BCL9: variants seen among roughly 807,000 people sequenced by gnomAD.
BCL9 encodes the protein BCL9 transcription coactivator.
BCL9 carries 25 observed loss-of-function variants against 88.5 expected under a neutral mutation model. The ratio of observed to expected loss-of-function variants is 0.28; its 90% confidence interval spans 0.21 to 0.39. BCL9 has a LOEUF of 0.39. Ranked by LOEUF, BCL9 falls within the 10% of genes least tolerant of loss-of-function variation. The pLI, the probability that BCL9 is intolerant of heterozygous loss-of-function variation, is 1.00. For missense variants in BCL9, 1,817 were observed against 1,877.8 expected (o/e 0.97, Z 0.60); for synonymous variants, 711 against 673.3 (o/e 1.06, Z -0.87).
Position 147,611,621 on chromosome 1 carries a change from C to T in BCL9, c.-216C>T. On this transcript the variant is annotated 5_prime_UTR_variant, in exon 4 of 10. It adds an upstream start codon to the 5' untranslated region. Transcript: ENST00000234739. The stretch of plus-strand genomic sequence containing the variant: ...GATTTTCCTCTGGCAGCAGGAGGCA[C>T]GCACCCAGAGAATGCTGGAGCTGCA... 1.8e-6 allele frequency: 1 copy of T among 567,378 alleles called. No individual in the cohort carries two copies. Among genetic ancestry groups the T allele is most frequent in the South Asian group, 2.5e-5 (1 of 40,746 alleles). The allele number at this position is 567,378 out of a possible 1,614,324, so 35.1% of individuals were successfully genotyped here.
intron 1 of BCL9, among the ~76,000 whole-genome samples, chr1:147,567,316 G>A (rs1257169418): frequency 6.6e-6 from 1 of 152,110 alleles, no homozygotes; most frequent in Admixed American, 6.5e-5. Context: ...TTTTTGGTTT[G>A]TTTAAATCTC....
chr1:147,599,950 G>A (rs1047360588), intron 1 of BCL9, among the ~76,000 whole-genome samples: 1 of 151,542 alleles, frequency 6.6e-6, no homozygotes, highest in Non-Finnish European at 1.5e-5. Flanking sequence ...CTTGCTGGTC[G>A]CGGGGCCGGA....
At position 147,619,792 on chromosome 1, in the gene BCL9, C is replaced by T. The variant is rs782671101; in HGVS notation, c.1637C>T (p.Pro546Leu). Reference protein sequence around the residue: ...DGINMPHSLPPRGMAPHPNMP... With the variant: ...DGINMPHSLPLRGMAPHPNMP... ...ATCAACATGCCACATTCTCTGCCCC[C>T]GAGGGGCATGGCTCCCCACCCCAAC... is the stretch of plus-strand genomic sequence containing the variant. Residue 546 changes from proline to leucine, a missense_variant, in exon 8 of 10, where the codon CCG becomes CTG. This residue lies in a region of BCL9 where 1,228 missense variants were observed against 1,191.6 expected (regional missense o/e 1.03). Transcript: ENST00000234739. The surrounding 1 kb of genome is among the most constrained non-coding windows in gnomAD (Gnocchi z 4.1). 9.9e-6 allele frequency: 16 copies of T among 1,614,140 alleles called. No homozygotes were observed. Among genetic ancestry groups the T allele is most frequent in the Middle Eastern group, 3.3e-4 (2 of 6,060 alleles).
chr1:147,596,515 G>C (rs1450559728), intron 1 of BCL9, among the ~76,000 whole-genome samples: 1 of 148,660 alleles, frequency 6.7e-6, no homozygotes, highest in Non-Finnish European at 1.5e-5. Context: ...CCGGGTTCAC[G>C]CCATTCTCCT....
intron 9 of BCL9, among the ~76,000 whole-genome samples, chr1:147,623,052 C>A (rs1465791020): frequency 6.6e-6 from 1 of 151,728 alleles, no homozygotes; most frequent in African/African-American, 2.4e-5. Flanking sequence ...ACCCACCCCT[C>A]ACCTCGACTC....
In BCL9 at chr1:147,623,776, T is replaced by C. The variant is rs587717146; in HGVS notation, c.3164-66T>C. ...GGATGCACAATAGTTTTTTTGTTAA[T>C]TTATTATAGTTTTTCTGAGTTGATT... On this transcript the variant is annotated intron_variant, in intron 9 of 9. Coordinates refer to ENST00000234739, the MANE Select transcript of BCL9 (RefSeq NM_004326.4). The C allele has an allele frequency of 4.3e-4, 652 of 1,508,662 alleles. 5 individuals are homozygous for C. The highest frequency in any genetic ancestry group is 3.0e-4 in the Admixed American group (15 of 50,122). The allele number at this position is 1,508,662 out of a possible 1,614,324, so 93.5% of individuals were successfully genotyped here. A position where few individuals can be genotyped will look rare whatever the true frequency, so the allele number is the denominator to read the frequency against.
At chr1:147,567,862 C>T (rs1198361516) in intron 1 of BCL9, among the ~76,000 whole-genome samples, 1 of 152,116 alleles carries the variant, frequency 6.6e-6, no homozygotes, top group Non-Finnish European at 1.5e-5. Flanking sequence ...TGCTAGTGAC[C>T]CAGCAGGTCT....
At position 147,613,032 on chromosome 1, in the gene BCL9, G is replaced by T; in HGVS notation, c.203G>T (p.Ser68Ile). 1 of 1,608,180 alleles carries T rather than the reference G, an allele frequency of 6.2e-7. No homozygotes were observed. Among genetic ancestry groups the T allele is most frequent in the Non-Finnish European group, 8.5e-7 (1 of 1,176,552 alleles). Reference protein sequence around the residue: ...QSQPSPCDSKSGGHTPKALPG... With the variant: ...QSQPSPCDSKIGGHTPKALPG... ...CAGCCATCCCCCTGTGACTCCAAGA[G>T]TGGGGGCCATACCCCTAAAGCACTC... is the stretch of plus-strand genomic sequence containing the variant. Residue 68 changes from serine (S) to isoleucine (I), a missense_variant, in exon 5 of 10, where the codon AGT (serine) becomes ATT (isoleucine). Ser to Ile is a moderately radical substitution (Grantham distance 142, BLOSUM62 -2). Around this residue, in one of 2 missense-constraint regions of BCL9, gnomAD observed 1,228 missense variants for 1,191.6 expected, o/e 1.03. Coordinates refer to ENST00000234739, the MANE Select transcript of BCL9 (RefSeq NM_004326.4).
In BCL9 at chr1:147,620,372, G is replaced by A; in HGVS notation, c.2217G>A (p.Glu739=). The change falls in exon 8 of 10, where the codon GAG becomes GAA. Residue 739 remains glutamate, a synonymous_variant. Coordinates refer to ENST00000234739, the MANE Select transcript of BCL9 (RefSeq NM_004326.4). ...NSQMIPQKMR[E]AGAGPEEMLK... is the part of the protein sequence containing the mutation. ...AGATGATACCTCAGAAGATGAGAGA[G>A]GCTGGGGCGGGCCCTGAGGAGATGC... 5.6e-6 allele frequency: 9 copies of A among 1,614,222 alleles called. No homozygotes were observed. Among genetic ancestry groups the A allele is most frequent in the Non-Finnish European group, 7.6e-6 (9 of 1,180,032 alleles).
intron 1 of BCL9, among the ~76,000 whole-genome samples, chr1:147,599,562 G>A (rs1168682478): frequency 2.6e-5 from 4 of 152,102 alleles, no homozygotes; most frequent in Non-Finnish European, 2.9e-5. Context: ...CGCGTGGGGA[G>A]GAGGGGACGG....
At position 147,624,060 on chromosome 1, in the gene BCL9, C is replaced by T. The variant is rs1658800276; in HGVS notation, c.3382C>T (p.Pro1128Ser). 6.2e-7 allele frequency: 1 copy of T among 1,613,678 alleles called. No individual in the cohort carries two copies. The highest frequency in any genetic ancestry group is 1.3e-5 in the African/African-American group (1 of 74,910). The change falls in exon 10 of 10, where the codon CCG becomes TCG. Residue 1128 changes from proline to serine, a missense_variant. Physicochemically the swap from Pro to Ser is moderately conservative, Grantham distance 74. This residue lies in a region of BCL9 where 589 missense variants were observed against 686.2 expected (regional missense o/e 0.86). Transcript: ENST00000234739. This position sits in a 1 kb window ranked among gnomAD's most constrained non-coding sequence, Gnocchi z 4.4. ...PIMGHGSQEPPMVPQGRMGFP... is the reference protein window; with the variant it reads ...PIMGHGSQEPSMVPQGRMGFP... ...CATGGGGCATGGGTCCCAGGAGCCA[C>T]CGATGGTACCTCAAGGACGGATGGG...
intron 1 of BCL9, among the ~76,000 whole-genome samples, chr1:147,575,009 G>T (rs587644152): frequency 1.3e-5 from 2 of 152,266 alleles, no homozygotes; most frequent in South Asian, 4.1e-4. Context: ...ACCTTTGAGG[G>T]CTGACTCATA....
intron 9 of BCL9, among the ~76,000 whole-genome samples, 190 bp from the exon 10 acceptor site, chr1:147,623,652 T>C (rs905676953): frequency 3.3e-5 from 5 of 152,246 alleles, no homozygotes; most frequent in African/African-American, 1.2e-4. Context: ...TATATTGTCC[T>C]GTAGAGCTCT....
Position 147,543,603 on chromosome 1 carries a change from G to A in BCL9, c.-478+1929G>A, listed in dbSNP as rs369359191. Among the ~76,000 whole-genome samples, 9 of 152,282 alleles carry A rather than the reference G, an allele frequency of 5.9e-5. No individual in the cohort carries two copies. In the South Asian group the frequency reaches 1.0e-3, roughly 18 times the overall value. On this transcript the variant is annotated intron_variant, in intron 1 of 9. Transcript: ENST00000234739. ...AGTTGTTTTCTACTTTATAGTCAGAGATCTTACCATGGTTGTTCCTGACAA... is the reference window on the plus strand; with the variant it reads ...AGTTGTTTTCTACTTTATAGTCAGAAATCTTACCATGGTTGTTCCTGACAA...
intron 7 of BCL9, among the ~76,000 whole-genome samples, chr1:147,616,425 G>A (rs1400202388): frequency 6.6e-6 from 1 of 152,132 alleles, no homozygotes; most frequent in Admixed American, 6.5e-5. Flanking sequence ...ATAAATGTTA[G>A]TCTGTTTTCT....
intron 1 of BCL9, among the ~76,000 whole-genome samples, chr1:147,601,721 T>C (rs1657400351): frequency 6.6e-6 from 1 of 152,158 alleles, no homozygotes; most frequent in Non-Finnish European, 1.5e-5. Flanking sequence ...ACATAAAAAT[T>C]TAAGAAAGAC....
At position 147,622,354 on chromosome 1, in the gene BCL9, C is replaced by T. The variant is rs1406036481; in HGVS notation, c.2986C>T (p.Pro996Ser). The T allele has an allele frequency of 4.3e-6, 7 of 1,614,096 alleles. No homozygotes were observed. In the East Asian group the frequency reaches 1.1e-4, roughly 26 times the overall value. ...TCCCTCTAGTACACCTTATACCATGCCTCCAGAGCCAACCCTTTCCCAGAA... is the reference window on the plus strand; with the variant it reads ...TCCCTCTAGTACACCTTATACCATGTCTCCAGAGCCAACCCTTTCCCAGAA... ...SLPSSTPYTM[P>S]PEPTLSQNPL... Residue 996 changes from proline to serine, a missense_variant, in exon 9 of 10, where the codon CCT becomes TCT. Transcript: ENST00000234739.
chr1:147,556,908 G>T (rs954521685), intron 1 of BCL9, among the ~76,000 whole-genome samples: 3 of 152,122 alleles, frequency 2.0e-5, no homozygotes, highest in Non-Finnish European at 2.9e-5. Flanking sequence ...TCAGAACCTA[G>T]AGCAGTGATG....
intron 1 of BCL9, among the ~76,000 whole-genome samples, chr1:147,600,531 G>C (rs782771722): frequency 6.6e-6 from 1 of 151,720 alleles, no homozygotes; most frequent in Admixed American, 6.5e-5. Flanking sequence ...AGGAACCTGT[G>C]GGGGGAGGTG....
Sources: gnomAD v4.1 joint callset for allele counts (sites outside exome capture counted in the v4.1 genomes callset) on GRCh38, gnomAD v4.1.1 for gene constraint, gnomAD v4.1.1 regional missense constraint, Gnocchi (gnomAD v3.1) non-coding constraint, MANE v1.5 for transcripts, NCBI Gene and HGNC (gene_info 2026-07-23, HGNC 2026-07-21) for gene names.